TFEC: variants seen among roughly 807,000 people sequenced by gnomAD.
TFEC encodes class E basic helix-loop-helix protein 34.
A neutral mutation model predicts 41.6 loss-of-function variants in TFEC; 31 were observed. The observed-to-expected ratio is 0.74, with a 90% CI of 0.56 to 1.01. The LOEUF (loss-of-function observed/expected upper bound fraction) is 1.01. Ranked by LOEUF, TFEC falls within the 50% of genes least tolerant of loss-of-function variation. The pLI, the probability that TFEC is intolerant of heterozygous loss-of-function variation, is 0.00. For synonymous variants in TFEC, 143 were observed against 140.6 expected (o/e 1.02, Z -0.12); for missense variants, 402 against 404.1 (o/e 0.99, Z 0.04).
chr7:115,998,033 A>T lies in TFEC; in HGVS notation c.-72-13520T>A, dbSNP rs947828298. Among the ~76,000 whole-genome samples the T allele has an allele frequency of 2.0e-5, 3 of 152,222 alleles. No homozygotes were observed. In the East Asian group the frequency reaches 5.8e-4, roughly 29 times the overall value. ...GGTAGAGGAAGAGAGAGGGATAGAA[A>T]ATTTATTCAAATGGGTAATAACACA... On this transcript the variant is annotated intron_variant, in intron 1 of 7. Transcript: ENST00000265440.
intron 1 of TFEC, among the ~76,000 whole-genome samples, chr7:116,011,716 G>A (rs1795008274): frequency 6.6e-6 from 1 of 152,140 alleles, no homozygotes; most frequent in Non-Finnish European, 1.5e-5. Flanking sequence ...TGTTGGAGGA[G>A]GACCTAGTGG....
intron 3 of TFEC, among the ~76,000 whole-genome samples, chr7:116,090,887 T>C (rs1299388196): frequency 6.6e-6 from 1 of 151,052 alleles, no homozygotes; most frequent in Non-Finnish European, 1.5e-5. Flanking sequence ...AAACACCACA[T>C]GTTGTCACTC....
chr7:115,982,227 A>C (rs975266861), intron 2 of TFEC, among the ~76,000 whole-genome samples: 1 of 152,032 alleles, frequency 6.6e-6, no homozygotes, highest in Non-Finnish European at 1.5e-5. Context: ...ACAAAAAAAA[A>C]CAAAAGATGG....
chr7:116,074,616 G>A (rs923548876), intron 3 of TFEC, among the ~76,000 whole-genome samples: 3 of 152,108 alleles, frequency 2.0e-5, no homozygotes, highest in African/African-American at 4.8e-5. Flanking sequence ...ATAATTTTTG[G>A]TGAGGATGTG....
intron 6 of TFEC, among the ~76,000 whole-genome samples, chr7:115,949,726 A>G (rs534162500): frequency 5.9e-5 from 9 of 152,184 alleles, no homozygotes; most frequent in African/African-American, 2.2e-4. Flanking sequence ...CTTAAACGTT[A>G]GACCTAAAAC....
intron 7 of TFEC, 164 bp downstream of exon 7, chr7:115,941,729 T>C: frequency 1.2e-6 from 1 of 851,124 alleles, no homozygotes; most frequent in Non-Finnish European, 1.8e-6. Context: ...CAAATCCTAA[T>C]TGAAACAACC....
At chr7:116,073,376 ACT>A (rs1193912689) in intron 3 of TFEC, among the ~76,000 whole-genome samples, 1 of 151,814 alleles carries the variant, frequency 6.6e-6, no homozygotes, top group African/African-American at 2.4e-5. Flanking sequence ...TGAACATATA[ACT>A]CTGTTGAGAT....
At chr7:116,146,400 T>C (rs1490803888) in intron 1 of TFEC, among the ~76,000 whole-genome samples, 1 of 152,290 alleles carries the variant, frequency 6.6e-6, no homozygotes, top group East Asian at 1.9e-4. Context: ...GTTTAGTGTC[T>C]ATGGAGATAC....
intron 6 of TFEC, 70 bp from the exon 7 acceptor site, chr7:115,942,110 T>G: frequency 7.7e-6 from 11 of 1,432,982 alleles, no homozygotes; most frequent in Non-Finnish European, 1.0e-5. Flanking sequence ...TTACAAAATC[T>G]TTTACATTAA....
At chr7:115,998,873 T>C (rs1396551707) in intron 1 of TFEC, among the ~76,000 whole-genome samples, 1 of 151,754 alleles carries the variant, frequency 6.6e-6, no homozygotes, top group African/African-American at 2.4e-5. Context: ...GCAACCCCAA[T>C]GCAATAACAG....
At chr7:116,090,767 T>G (rs1432321211) in intron 3 of TFEC, among the ~76,000 whole-genome samples, 2 of 152,072 alleles carry the variant, frequency 1.3e-5, no homozygotes, top group Admixed American at 1.3e-4. Flanking sequence ...CTCAAAAATG[T>G]TTACCGATAG....
intron 3 of TFEC, among the ~76,000 whole-genome samples, chr7:116,081,664 T>C (rs1050225058): frequency 2.0e-5 from 3 of 152,068 alleles, no homozygotes; most frequent in South Asian, 2.1e-4. Context: ...GTTCCCACTA[T>C]AGCTCTCAGA....
intron 1 of TFEC, among the ~76,000 whole-genome samples, chr7:116,144,449 A>G (rs1562985768): frequency 6.6e-6 from 1 of 152,192 alleles, no homozygotes; most frequent in Non-Finnish European, 1.5e-5. Flanking sequence ...TACAATGCCC[A>G]GTTTGTTTGG....
At chr7:116,145,991 C>T (rs1157520782) in intron 1 of TFEC, among the ~76,000 whole-genome samples, 1 of 152,068 alleles carries the variant, frequency 6.6e-6, no homozygotes, top group Non-Finnish European at 1.5e-5. Flanking sequence ...AAAGGTAAAA[C>T]AAACACTGAC....
chr7:116,026,325 C>T (rs11561942), intron 1 of TFEC, among the ~76,000 whole-genome samples: 28,647 of 152,220 alleles, frequency 0.19, 2,789 homozygotes, highest in East Asian at 0.35. Context: ...TATGCTTCAC[C>T]CATCTTCTCT....
rs185981423 is a variant in TFEC, at chr7:116,062,905, C to A, written c.198+47803G>T. Among the ~76,000 whole-genome samples, 10 of 152,164 alleles carry A rather than the reference C, an allele frequency of 6.6e-5. No individual in the cohort carries two copies. The East Asian group carries it at 1.9e-3, about 29-fold the overall frequency. On this transcript the variant is annotated intron_variant, in intron 3 of 8. Transcript: ENST00000484212. ...TTTGGCTAACTCATAAAAAGTTTAA[C>A]ATTCATCCACCATATGACCCAGCCA...
rs1028742379 is a variant in TFEC, at chr7:116,156,480, T to C, written c.-69+3310A>G. 1.1e-4 allele frequency among the ~76,000 whole-genome samples: 17 copies of C among 152,170 alleles called. 1 individual carries two copies. The highest frequency in any genetic ancestry group is 3.9e-4 in the African/African-American group (16 of 41,460). On this transcript the variant is annotated intron_variant, in intron 1 of 8. Transcript: ENST00000484212. The stretch of plus-strand genomic sequence containing the variant: ...ATTAAAAACATAGGAAAACAAGATA[T>C]TACAAACCAGAGGAATAATTTATTT...
At chr7:116,142,451 A>G (rs992160480) in intron 1 of TFEC, among the ~76,000 whole-genome samples, 1 of 152,198 alleles carries the variant, frequency 6.6e-6, no homozygotes, top group Non-Finnish European at 1.5e-5. Flanking sequence ...ATTGTACTGT[A>G]TGACTCCCAC....
At chr7:115,956,823 T>C in intron 3 of TFEC, 30 bp from the exon 4 acceptor site, 1 of 1,427,498 alleles carries the variant, frequency 7.0e-7, no homozygotes, top group East Asian at 2.4e-5. Flanking sequence ...AAAAGATTAA[T>C]AAAAACCTTC....
Sources: allele counts gnomAD v4.1 joint callset (sites outside exome capture counted in the v4.1 genomes callset), GRCh38; gene constraint gnomAD v4.1.1; transcripts MANE v1.5; gene names NCBI Gene and HGNC (gene_info 2026-07-23, HGNC 2026-07-21).